The following SORCS2 variants were observed in gnomAD, a reference collection of about 807,000 sequenced individuals.
SORCS2 encodes sortilin related VPS10 domain containing receptor 2.
In SORCS2, 100 loss-of-function variants were observed where a neutral mutation model predicts 141.6. That is an observed-to-expected ratio of 0.71 (90% confidence interval 0.60 to 0.83). The LOEUF (loss-of-function observed/expected upper bound fraction) is 0.83. Among genes scored for constraint, SORCS2 ranks in the 40% least tolerant of loss-of-function variants. The pLI, the probability that SORCS2 is intolerant of heterozygous loss-of-function variation, is 0.00. For synonymous variants in SORCS2, 789 were observed against 676.9 expected, an observed-to-expected ratio of 1.17 and a Z score of -2.57; for missense variants, 1,646 against 1,560.2, an observed-to-expected ratio of 1.05 and a Z score of -0.93.
chr4:7,452,042 C>T (rs1229961569), intron 2 of SORCS2, among the ~76,000 whole-genome samples: 1 of 152,172 alleles, frequency 6.6e-6, no homozygotes, highest in Non-Finnish European at 1.5e-5. Context: ...TCCTCCTGCT[C>T]TGCACAGCCT....
intron 3 of SORCS2, among the ~76,000 whole-genome samples, chr4:7,566,565 A>G (rs1715031954): frequency 6.6e-6 from 1 of 152,260 alleles, no homozygotes; most frequent in East Asian, 1.9e-4. Context: ...AGCTGCAGTG[A>G]CAAGCAAAAC....
intron 1 of SORCS2, among the ~76,000 whole-genome samples, chr4:7,302,800 T>C (rs1168601302): frequency 7.0e-6 from 1 of 142,714 alleles, no homozygotes; most frequent in Non-Finnish European, 1.6e-5. Context: ...CGCGCGCGTG[T>C]GTGTGTGTTT....
chr4:7,567,417 T>C (rs924935378), intron 3 of SORCS2, among the ~76,000 whole-genome samples: 3 of 137,066 alleles, frequency 2.2e-5, no homozygotes, highest in Non-Finnish European at 4.7e-5. Context: ...AACTTTGACA[T>C]TTTTGAAGAG....
At chr4:7,682,639 C>A in intron 9 of SORCS2, 104 bp from the exon 10 acceptor site, 1 of 1,139,056 alleles carries the variant, frequency 8.8e-7, no homozygotes, top group Non-Finnish European at 1.2e-6. Flanking sequence ...TGAAATGAGG[C>A]CACATGTGCA....
At chr4:7,344,202 C>T (rs541861926) in intron 1 of SORCS2, among the ~76,000 whole-genome samples, 5 of 152,332 alleles carry the variant, frequency 3.3e-5, no homozygotes, top group African/African-American at 1.2e-4. Context: ...CCCCGCCATG[C>T]CCCCAGTGCA....
rs958840721 is a variant in SORCS2, at chr4:7,664,372, C to T, written c.972C>T (p.Cys324=). ...CTGTAGATTTTCGGTACGTCACCTG[C>T]GCAATCCACAATTGCTCCGAGAAGA... ...DLGGDFRYVT[C]AIHNCSEKML... The change falls in exon 7 of 27, where the codon TGC becomes TGT. Residue 324 remains cysteine (C), a synonymous_variant. Coordinates refer to ENST00000507866, the MANE Select transcript of SORCS2 (RefSeq NM_020777.3). The surrounding 1 kb of genome is among the most constrained non-coding windows in gnomAD (Gnocchi z 4.7). The T allele has an allele frequency of 1.7e-5, 27 of 1,613,604 alleles. No individual in the cohort carries two copies. The highest frequency in any genetic ancestry group is 2.0e-5 in the Non-Finnish European group (24 of 1,179,764).
chr4:7,546,127 C>T (rs1322925115), intron 3 of SORCS2, among the ~76,000 whole-genome samples: 2 of 152,166 alleles, frequency 1.3e-5, no homozygotes, highest in Non-Finnish European at 2.9e-5. Flanking sequence ...AGGGGTTCAG[C>T]CTGTGAACTG....
intron 8 of SORCS2, among the ~76,000 whole-genome samples, chr4:7,669,131 A>G (rs953181109): frequency 2.0e-5 from 3 of 152,132 alleles, no homozygotes; most frequent in African/African-American, 7.2e-5. Flanking sequence ...TGCATTTTAC[A>G]CTGGTTTTCT....
At chr4:7,531,493 G>T (rs931491148) in intron 2 of SORCS2, 37 bp from the exon 3 acceptor site, 3 of 1,597,860 alleles carry the variant, frequency 1.9e-6, no homozygotes, top group East Asian at 4.5e-5. Flanking sequence ...CACACTTGGA[G>T]GGTACATGGC....
At chr4:7,446,226 T>G (rs545524822) in intron 2 of SORCS2, among the ~76,000 whole-genome samples, 55 of 152,092 alleles carry the variant, frequency 3.6e-4, no homozygotes, top group Non-Finnish European at 6.5e-4. Context: ...CCAGCAGAGC[T>G]GAGCATCAGT....
In SORCS2 at chr4:7,266,277, C is replaced by T. The variant is rs943476793; in HGVS notation, c.480+73151C>T. ...TTGGTGGAACAATTCAGAGTCCCTC[C>T]GTGGAAGTTGGGAGAAGATGCTGGA... On this transcript the variant is annotated intron_variant, in intron 1 of 26. Coordinates refer to ENST00000507866, the MANE Select transcript of SORCS2 (RefSeq NM_020777.3). Among the ~76,000 whole-genome samples, 8 of 152,288 alleles carry T rather than the reference C, an allele frequency of 5.3e-5. No individual in the cohort carries two copies. In the South Asian group the frequency reaches 6.2e-4, roughly 12 times the overall value.
intron 26 of SORCS2, among the ~76,000 whole-genome samples, chr4:7,739,811 C>T (rs1261896695): frequency 6.6e-6 from 1 of 152,186 alleles, no homozygotes; most frequent in African/African-American, 2.4e-5. Flanking sequence ...CTCTCCCACT[C>T]TCGCCTCCCG....
intron 1 of SORCS2, among the ~76,000 whole-genome samples, chr4:7,355,709 G>A (rs1393682092): frequency 1.3e-5 from 2 of 152,240 alleles, no homozygotes; most frequent in Non-Finnish European, 2.9e-5. Context: ...GAAACCTTGG[G>A]TAAATGAGGA....
chr4:7,638,190 C>T, intron 3 of SORCS2, 138 bp from the exon 4 acceptor site: 1 of 1,090,950 alleles, frequency 9.2e-7, no homozygotes. Flanking sequence ...AGGGGAGAGG[C>T]ACACCCGGCC....
intron 2 of SORCS2, among the ~76,000 whole-genome samples, chr4:7,423,500 G>A (rs1452122441): frequency 1.3e-5 from 2 of 152,058 alleles, no homozygotes; most frequent in East Asian, 3.9e-4. Context: ...CTGGAGGCTC[G>A]AACTCCTGGC....
At chr4:7,718,264 G>GGTGTCTCCTCCACCTAGAA in intron 18 of SORCS2, 81 bp downstream of exon 18, 1 of 1,503,406 alleles carries the variant, frequency 6.7e-7, no homozygotes, top group East Asian at 2.4e-5. Flanking sequence ...GCACGGTGAG[G>GGTGTCTCCTCCACCTAGAA]GTGTCTCCTC....
chr4:7,390,940 C>G (rs997989435), intron 1 of SORCS2, among the ~76,000 whole-genome samples: 1 of 152,136 alleles, frequency 6.6e-6, no homozygotes, highest in African/African-American at 2.4e-5. Flanking sequence ...GCGAACTCTG[C>G]GAACTCAGAA....
rs1386410227 is a variant in SORCS2, at chr4:7,193,577, G to A, written c.480+451G>A. Among the ~76,000 whole-genome samples the A allele has an allele frequency of 2.0e-5, 3 of 152,154 alleles. No individual in the cohort carries two copies. The highest frequency in any genetic ancestry group is 2.9e-5 in the Non-Finnish European group (2 of 68,040). ...CTCCCTGGTCTACCAGGGACTCCGC[G>A]GTGGCGCCTCCGCAGGCTCCGGGAC... is the stretch of plus-strand genomic sequence containing the variant. On this transcript the variant is annotated intron_variant, in intron 1 of 26. Transcript: ENST00000507866. This position sits in a 1 kb window ranked among gnomAD's most constrained non-coding sequence, Gnocchi z 4.8.
intron 1 of SORCS2, among the ~76,000 whole-genome samples, chr4:7,297,091 G>GT (rs1475803680): frequency 1.3e-5 from 2 of 151,990 alleles, no homozygotes; most frequent in African/African-American, 4.8e-5. Context: ...GTGCCTGGGG[G>GT]GGTCCTCCCC....
Sources: gnomAD v4.1 joint callset for allele counts (sites outside exome capture counted in the v4.1 genomes callset) on GRCh38, gnomAD v4.1.1 for gene constraint, Gnocchi (gnomAD v3.1) non-coding constraint, MANE v1.5 for transcripts, NCBI Gene and HGNC (gene_info 2026-07-23, HGNC 2026-07-21) for gene names.